Variants in TRA2B observed in about 807,000 individuals in gnomAD.
TRA2B encodes the protein transformer 2 beta homolog.
Under a neutral mutation model 41.7 loss-of-function variants are expected in TRA2B, and 14 were observed. The ratio of observed to expected loss-of-function variants is 0.34; its 90% CI spans 0.22 to 0.53. The LOEUF is 0.53. TRA2B is among the 20% of genes least tolerant of loss of function. The probability of loss-of-function intolerance (pLI) is 0.95; values close to 1 mark genes in which losing one functional copy is unlikely to be tolerated. For synonymous variants in TRA2B, 130 were observed against 128.8 expected (o/e 1.01, Z -0.06); for missense variants, 167 against 396.8 (o/e 0.42, Z 4.92).
intron 6 of TRA2B, among the ~76,000 whole-genome samples, chr3:185,920,333 T>C (rs1041764905): frequency 3.3e-5 from 5 of 152,214 alleles, no homozygotes; most frequent in African/African-American, 1.2e-4. Context: ...AATTTGCTTT[T>C]AAAAGGCTAA....
At position 185,926,855 on chromosome 3, in the gene TRA2B, T is replaced by G. The variant is rs77360536; in HGVS notation, c.37-121A>C. 1.3e-3 allele frequency: 1,624 copies of G among 1,247,712 alleles called. 37 individuals carry two copies. The East Asian group carries it at 0.037, about 28-fold the overall frequency. The allele number at this position is 1,247,712 out of a possible 1,614,324, so 77.3% of individuals were successfully genotyped here. On this transcript the variant is annotated intron_variant, in intron 1 of 8. Coordinates refer to ENST00000453386, the MANE Select transcript of TRA2B (RefSeq NM_004593.3). ...CCCTTCCAAGATAAGAAAATATAGGTAAGGGCAGGAACTGAATATACCTGG... is the reference window on the plus strand; with the variant it reads ...CCCTTCCAAGATAAGAAAATATAGGGAAGGGCAGGAACTGAATATACCTGG...
At chr3:185,936,674 T>A in intron 1 of TRA2B, 5 of 957,578 alleles carry the variant, frequency 5.2e-6, no homozygotes, top group Non-Finnish European at 6.1e-6. Context: ...AGGTAACAAA[T>A]TGTTTTTTTT....
chr3:185,919,903 A>C (rs1010869989), intron 6 of TRA2B, among the ~76,000 whole-genome samples: 12 of 152,220 alleles, frequency 7.9e-5, no homozygotes, highest in African/African-American at 2.4e-4. Flanking sequence ...TTGCCAAATA[A>C]TGCACAAAAT....
intron 1 of TRA2B, chr3:185,936,952 A>C: frequency 3.0e-6 from 3 of 985,438 alleles, no homozygotes; most frequent in Non-Finnish European, 3.6e-6. Context: ...TGTAGCCAAC[A>C]CACGCTGTGG....
At chr3:185,925,887 CGCA>C (rs1560011128) in intron 2 of TRA2B, among the ~76,000 whole-genome samples, 2 of 152,182 alleles carry the variant, frequency 1.3e-5, no homozygotes, top group African/African-American at 4.8e-5. Flanking sequence ...AATCAAGGCA[CGCA>C]GCATTTTACT....
intron 1 of TRA2B, among the ~76,000 whole-genome samples, chr3:185,932,739 A>C (rs2150118729): frequency 6.6e-6 from 1 of 152,320 alleles, no homozygotes; most frequent in African/African-American, 2.4e-5. Context: ...TACTAAACAA[A>C]ATAAAATACT....
At chr3:185,928,543 TTC>T (rs1744036689) in intron 1 of TRA2B, 1 of 152,214 alleles carries the variant, frequency 6.6e-6, no homozygotes, top group Non-Finnish European at 1.5e-5. Context: ...GACACTTCCC[TTC>T]TCTCCATGGA....
At chr3:185,926,561 G>A in intron 2 of TRA2B, 40 bp downstream of exon 2, 4 of 1,611,142 alleles carry the variant, frequency 2.5e-6, no homozygotes, top group Non-Finnish European at 3.4e-6. Context: ...CAATTTCAGA[G>A]CTAAGAGTAA....
chr3:185,926,084 G>A (rs1743939144), intron 2 of TRA2B, among the ~76,000 whole-genome samples: 1 of 151,828 alleles, frequency 6.6e-6, no homozygotes, highest in Non-Finnish European at 1.5e-5. Flanking sequence ...ATCGAAACGA[G>A]GACACACATT....
Position 185,917,614 on chromosome 3 carries a change from C to A in TRA2B, c.*101G>T, listed in dbSNP as rs1743549155. On this transcript the variant is annotated 3_prime_UTR_variant, in exon 9 of 9. Transcript: ENST00000453386. The stretch of plus-strand genomic sequence containing the variant: ...CGTAAAAGGTGTAAAAGTCACCTAA[C>A]TTCACTAGGCACTGTTCACTTTTTA... 3.0e-6 allele frequency: 4 copies of A among 1,320,384 alleles called. No homozygotes were observed. Among genetic ancestry groups the A allele is most frequent in the South Asian group, 1.3e-5 (1 of 77,544 alleles). The allele number at this position is 1,320,384 out of a possible 1,614,324, so 81.8% of individuals were successfully genotyped here. A position where few individuals can be genotyped will look rare whatever the true frequency, so the allele number is the denominator to read the frequency against.
chr3:185,929,075 A>G (rs1379697409), intron 1 of TRA2B: 1 of 152,164 alleles, frequency 6.6e-6, no homozygotes, highest in African/African-American at 2.4e-5. Context: ...GTAAGCAATC[A>G]TTTCTTGGGC....
At position 185,922,133 on chromosome 3, in the gene TRA2B, A is replaced by G. The variant is rs1743766273; in HGVS notation, c.523-7T>C. ...CATTGGCACGTTCTTTAGCCTTCAA[A>G]AGGTAAATAAATTGTTACATACATC... On this transcript the variant is annotated splice_region_variant and splice_polypyrimidine_tract_variant and intron_variant, in intron 4 of 8. Coordinates refer to ENST00000453386, the MANE Select transcript of TRA2B (RefSeq NM_004593.3). The G allele has an allele frequency of 6.2e-7, 1 of 1,606,252 alleles. No homozygotes were observed. Among genetic ancestry groups the G allele is most frequent in the South Asian group, 1.1e-5 (1 of 90,326 alleles).
intron 2 of TRA2B, among the ~76,000 whole-genome samples, 183 bp from the exon 3 acceptor site, chr3:185,925,809 C>T (rs757378421): frequency 1.3e-5 from 2 of 152,194 alleles, no homozygotes; most frequent in East Asian, 1.9e-4. Flanking sequence ...TGCTAGGAAG[C>T]GTTCTAAAAA....
intron 6 of TRA2B, 27 bp downstream of exon 6, chr3:185,921,077 C>A (rs375713770): frequency 6.3e-7 from 1 of 1,597,708 alleles, no homozygotes; most frequent in Non-Finnish European, 8.6e-7. Flanking sequence ...GAGATTCAGA[C>A]GTTGACCTTT....
intron 1 of TRA2B, chr3:185,935,124 A>C: frequency 1.0e-6 from 1 of 985,412 alleles, no homozygotes; most frequent in African/African-American, 1.7e-5. Flanking sequence ...CTTTTTATTC[A>C]ACTTCTTGTA....
Position 185,917,564 on chromosome 3 carries a change from T to C in TRA2B, c.*151A>G, listed in dbSNP as rs546937130. On this transcript the variant is annotated 3_prime_UTR_variant, in exon 9 of 9. Coordinates refer to ENST00000453386, the MANE Select transcript of TRA2B (RefSeq NM_004593.3). ...ACACAAATGCAGAATGAAAACAGCA[T>C]TTCAACTCCACCAAAAGTAGTCATC... The C allele has an allele frequency of 5.9e-6, 4 of 681,804 alleles. No individual in the cohort carries two copies. The South Asian group carries it at 9.2e-5, about 16-fold the overall frequency. 42.2% of individuals were successfully genotyped at this position (681,804 alleles called of 1,614,324 possible).
intron 1 of TRA2B, among the ~76,000 whole-genome samples, chr3:185,929,938 G>C (rs550255975): frequency 7.2e-5 from 11 of 152,134 alleles, no homozygotes; most frequent in African/African-American, 2.7e-4. Context: ...GCATTAATCA[G>C]ACCTCTGATT....
intron 8 of TRA2B, 66 bp from the exon 9 acceptor site, chr3:185,917,791 C>A (rs751485734): frequency 3.9e-6 from 6 of 1,536,104 alleles, no homozygotes; most frequent in African/African-American, 2.8e-5. Flanking sequence ...ACTTTAATGC[C>A]GAGAATTTCA....
intron 6 of TRA2B, among the ~76,000 whole-genome samples, chr3:185,920,778 C>G (rs1293837275): frequency 6.6e-6 from 1 of 152,112 alleles, no homozygotes; most frequent in Non-Finnish European, 1.5e-5. Context: ...ATCTGCCTGC[C>G]TTGGCCTCCT....
Sources: gnomAD v4.1 joint callset for allele counts (sites outside exome capture counted in the v4.1 genomes callset) on GRCh38, gnomAD v4.1.1 for gene constraint, MANE v1.5 for transcripts, NCBI Gene and HGNC (gene_info 2026-07-23, HGNC 2026-07-21) for gene names.